The following ERMN variants were observed in gnomAD, a reference collection of about 807,000 sequenced individuals.
The protein encoded by ERMN is ermin, ERM-like protein.
ERMN carries 17 observed loss-of-function variants against 21.4 expected under a neutral mutation model. That is an observed-to-expected ratio of 0.80 (90% CI 0.54 to 1.19). ERMN has a LOEUF of 1.19. Ranked by LOEUF, ERMN falls within the 50% of genes most tolerant of loss-of-function variation. The pLI is 0.00. For missense variants in ERMN, 348 were observed against 331.6 expected (o/e 1.05, Z -0.38); for synonymous variants, 115 against 111.9 (o/e 1.03, Z -0.17).
rs1356863645 is a variant in ERMN at position 157,319,065 on chromosome 2, T to C, written c.*2206A>G. 4 of 152,242 alleles carry C rather than the reference T, an allele frequency of 2.6e-5. No individual in the cohort carries two copies. The highest frequency in any genetic ancestry group is 7.2e-5 in the African/African-American group (3 of 41,458). 9.4% of individuals were successfully genotyped at this position (152,242 alleles called of 1,614,324 possible). A position where few individuals can be genotyped will look rare whatever the true frequency, so the allele number is the denominator to read the frequency against. On this transcript the variant is annotated 3_prime_UTR_variant, in exon 3 of 3. Coordinates refer to ENST00000410096, the MANE Select transcript of ERMN (RefSeq NM_020711.3). Reference sequence around the variant, plus strand: ...CTCAAATGGCCAACCATCACCATTATGTTACCTGAGGTCACTTAACTCTGT... The same window carrying C: ...CTCAAATGGCCAACCATCACCATTACGTTACCTGAGGTCACTTAACTCTGT...
chr2:157,324,079 G>A (rs558122120), intron 2 of ERMN: 12 of 161,558 alleles, frequency 7.4e-5, no homozygotes, highest in East Asian at 1.9e-4. Flanking sequence ...GTGAAACTCC[G>A]TCTCTACTAA....
Position 157,321,772 on chromosome 2 carries a change from A to C in ERMN, c.354T>G (p.Ile118Met), listed in dbSNP as rs777887214. The C allele has an allele frequency of 2.5e-6, 4 of 1,610,204 alleles. No individual in the cohort carries two copies. The Admixed American group carries it at 6.7e-5, about 27-fold the overall frequency. ...TFREGHQWEK[I>M]PLSGSNQEIR... ...TTTCCTGGTTACTGCCACTCAGAGG[A>C]ATCTTCTCCCACTGATGCCCTGTAG... Residue 118 changes from isoleucine (I) to methionine (M), a missense_variant, in exon 3 of 3, where the codon ATT becomes ATG. Coordinates refer to ENST00000410096, the MANE Select transcript of ERMN (RefSeq NM_020711.3).
At position 157,321,811 on chromosome 2, in the gene ERMN, T is replaced by C. The variant is rs1004786070; in HGVS notation, c.335-20A>G. ...GATGCCCTGTAGCAAAATCAATTGGTAGATGAGATGTGTAGAGATTCCAAA... is the reference window on the plus strand; with the variant it reads ...GATGCCCTGTAGCAAAATCAATTGGCAGATGAGATGTGTAGAGATTCCAAA... On this transcript the variant is annotated intron_variant, in intron 2 of 2. Transcript: ENST00000410096. 1 of 1,582,622 alleles carries C rather than the reference T, an allele frequency of 6.3e-7. No individual in the cohort carries two copies.
rs183631201 is a variant in ERMN at position 157,320,473 on chromosome 2, A to T, written c.*798T>A. On this transcript the variant is annotated 3_prime_UTR_variant, in exon 3 of 3. Coordinates refer to ENST00000410096, the MANE Select transcript of ERMN (RefSeq NM_020711.3). ...AAAGCTGTCATTTTTATTTTTAATG[A>T]CTTTAACTGTGCTAGACAAGATTTT... The T allele has an allele frequency of 3.3e-5, 5 of 152,694 alleles. No homozygotes were observed. Among genetic ancestry groups the T allele is most frequent in the African/African-American group, 1.2e-4 (5 of 41,572 alleles). 9.5% of individuals were successfully genotyped at this position (152,694 alleles called of 1,614,324 possible).
chr2:157,325,848 C>T, upstream of ERMN: 3 of 1,419,274 alleles, frequency 2.1e-6, no homozygotes, highest in South Asian at 1.6e-5. Flanking sequence ...GAGGATTTGT[C>T]AGATCTGCCA....
rs538562814 is a variant in ERMN, at chr2:157,320,771, T to C, written c.*500A>G. 1 of 154,136 alleles carries C rather than the reference T, an allele frequency of 6.5e-6. No individual in the cohort carries two copies. Among genetic ancestry groups the C allele is most frequent in the Non-Finnish European group, 1.4e-5 (1 of 69,296 alleles). The allele number at this position is 154,136 out of a possible 1,614,324, so 9.5% of individuals were successfully genotyped here. On this transcript the variant is annotated 3_prime_UTR_variant, in exon 3 of 3. Coordinates refer to ENST00000410096, the MANE Select transcript of ERMN (RefSeq NM_020711.3). ...CACTTAACATATTGTTTGGTGATAA[T>C]AGAAAAGGCACAGAATTTTGGAAGG...
At chr2:157,325,318 C>A (rs773591489) in intron 1 of ERMN, 84 bp downstream of exon 1, 7 of 1,578,128 alleles carry the variant, frequency 4.4e-6, no homozygotes, top group Admixed American at 1.7e-5. Context: ...GTGTCCAGCT[C>A]ATTTCGATAA....
chr2:157,322,708 C>T (rs908025163), intron 2 of ERMN, among the ~76,000 whole-genome samples: 10 of 152,160 alleles, frequency 6.6e-5, no homozygotes, highest in African/African-American at 2.4e-4. Flanking sequence ...TGTTTTCTCA[C>T]TCTAGGGAAT....
intron 2 of ERMN, among the ~76,000 whole-genome samples, chr2:157,323,533 A>G (rs1683969971): frequency 2.0e-5 from 3 of 152,230 alleles, no homozygotes; most frequent in South Asian, 4.1e-4. Flanking sequence ...CCTCCTTGAC[A>G]TCTACTATTT....
At chr2:157,327,437 C>T, upstream of ERMN, 1 of 778,958 alleles carries the variant, frequency 1.3e-6, no homozygotes, top group Non-Finnish European at 2.4e-6. Context: ...GTGCAAGCTA[C>T]TGTCCTAATT....
At chr2:157,324,180 G>T (rs1375945873) in intron 2 of ERMN, 1 of 260,126 alleles carries the variant, frequency 3.8e-6, no homozygotes, top group Non-Finnish European at 7.7e-6. Context: ...GCTGAGGCAG[G>T]AGAATCGCTT....
rs17282140 is a variant in ERMN at position 157,319,140 on chromosome 2, G to A, written c.*2131C>T. Reference sequence around the variant, plus strand: ...CTCTGTGGCTTTCGTGTAAGATGGCGGTATAGGGCCATGGACACCAATGCC... The same window carrying A: ...CTCTGTGGCTTTCGTGTAAGATGGCAGTATAGGGCCATGGACACCAATGCC... On this transcript the variant is annotated 3_prime_UTR_variant, in exon 3 of 3. Transcript: ENST00000410096. 0.049 allele frequency: 7,456 copies of A among 152,198 alleles called. 323 individuals carry two copies. The highest frequency in any genetic ancestry group is 0.13 in the Admixed American group (2,053 of 15,266). 9.4% of individuals were successfully genotyped at this position (152,198 alleles called of 1,614,324 possible).
chr2:157,322,837 A>G (rs144757702), intron 2 of ERMN, among the ~76,000 whole-genome samples: 89 of 152,286 alleles, frequency 5.8e-4, no homozygotes, highest in African/African-American at 2.0e-3. Context: ...ATAAATACAC[A>G]TTAGAATGTT....
Position 157,323,768 on chromosome 2 carries a change from T to C in ERMN, c.334+902A>G, listed in dbSNP as rs529295595. Among the ~76,000 whole-genome samples, 36 of 152,332 alleles carry C rather than the reference T, an allele frequency of 2.4e-4. No homozygotes were observed. In the South Asian group the frequency reaches 6.6e-3, roughly 28 times the overall value. ...TTAGAAAAATCTAAAGGATTTTGTG[T>C]CTCTTAGTCTATTAAGTTTATTTAA... On this transcript the variant is annotated intron_variant, in intron 2 of 2. Transcript: ENST00000410096.
chr2:157,324,093 T>TACACACACACACAC lies in ERMN; in HGVS notation c.334+563_334+576dup, dbSNP rs61547889. Reference sequence around the variant, plus strand: ...GGTGAAACTCCGTCTCTACTAAAAATACACACACACACACACACACACACA... The same window carrying TACACACACACACAC: ...GGTGAAACTCCGTCTCTACTAAAAATACACACACACACACACACACACACACACACACACACACA... On this transcript the variant is annotated intron_variant, in intron 2 of 2. Transcript: ENST00000410096. 3.2e-3 allele frequency: 539 copies of TACACACACACACAC among 166,078 alleles called. 4 individuals are homozygous for TACACACACACACAC. Among genetic ancestry groups the TACACACACACACAC allele is most frequent in the African/African-American group, 0.013 (500 of 39,688 alleles). 10.3% of individuals were successfully genotyped at this position (166,078 alleles called of 1,614,324 possible).
At chr2:157,324,832 CA>C in intron 1 of ERMN, 70 bp from the exon 2 acceptor site, 2 of 1,077,334 alleles carry the variant, frequency 1.9e-6, no homozygotes, top group Non-Finnish European at 2.7e-6. Flanking sequence ...AATAAGTTAT[CA>C]ATTTAAACTC....
chr2:157,327,408 C>T (rs753576492), upstream of ERMN: 99 of 772,416 alleles, frequency 1.3e-4, no homozygotes, highest in Non-Finnish European at 1.9e-4. Context: ...TTAACAAACG[C>T]TCATATCACA....
At chr2:157,325,853 C>A, upstream of ERMN, 1 of 1,413,840 alleles carries the variant, frequency 7.1e-7, no homozygotes, top group East Asian at 2.5e-5. Context: ...TTTGTCAGAT[C>A]TGCCAGGAGC....
chr2:157,322,886 A>G (rs1437687278), intron 2 of ERMN, among the ~76,000 whole-genome samples: 1 of 152,252 alleles, frequency 6.6e-6, no homozygotes, highest in Non-Finnish European at 1.5e-5. Flanking sequence ...TGTTTTCCAC[A>G]AGAACCAAAG....
Sources: gnomAD v4.1 joint callset for allele counts (sites outside exome capture counted in the v4.1 genomes callset) on GRCh38, gnomAD v4.1.1 for gene constraint, MANE v1.5 for transcripts, NCBI Gene and HGNC (gene_info 2026-07-23, HGNC 2026-07-21) for gene names.